SRP54: variants seen among roughly 807,000 people sequenced by gnomAD.
SRP54 encodes the protein signal recognition particle 54, also known as signal recognition particle subunit SRP54.
Under a neutral mutation model 64.8 loss-of-function variants are expected in SRP54, and 10 were observed. The ratio of observed to expected loss-of-function variants is 0.15; its 90% confidence interval spans 0.10 to 0.26. The LOEUF (loss-of-function observed/expected upper bound fraction) is 0.26, where lower values mean the gene tolerates loss of function less well. Ranked by LOEUF, SRP54 falls within the 10% of genes least tolerant of loss-of-function variation. The pLI is 1.00. For synonymous variants in SRP54, 193 were observed against 185.6 expected (o/e 1.04, Z -0.32); for missense variants, 325 against 613.7 (o/e 0.53, Z 4.97).
chr14:34,997,390 G>A (rs559248919), intron 2 of SRP54, among the ~76,000 whole-genome samples: 1 of 152,106 alleles, frequency 6.6e-6, no homozygotes. Flanking sequence ...AATTGAAAAA[G>A]TTGACTGTGG....
At chr14:34,995,313 G>A (rs192809485) in intron 1 of SRP54, among the ~76,000 whole-genome samples, 12 of 152,070 alleles carry the variant, frequency 7.9e-5, no homozygotes, top group South Asian at 6.2e-4. Context: ...ACCCAGGAGA[G>A]CCCATGGTGT....
At chr14:35,028,930 T>G in intron 15 of SRP54, 131 bp from the exon 16 acceptor site, 1 of 681,596 alleles carries the variant, frequency 1.5e-6, no homozygotes, top group Non-Finnish European at 2.4e-6. Flanking sequence ...GTACGTTCTT[T>G]AAGGCTGATG....
Position 35,011,639 on chromosome 14 carries a change from C to A in SRP54, c.616C>A (p.Leu206Ile). 1 of 1,578,310 alleles carries A rather than the reference C, an allele frequency of 6.3e-7. No homozygotes were observed. The highest frequency in any genetic ancestry group is 8.6e-7 in the Non-Finnish European group (1 of 1,158,400). Reference protein sequence around the residue: ...KQEDSLFEEMLQVANAIQPDN... With the variant: ...KQEDSLFEEMIQVANAIQPDN... ...AGAAGACTCTTTGTTTGAAGAAATG[C>A]TTCAAGTTGCTAATGCTATAGTAAG... The change falls in exon 8 of 16, where the codon CTT (leucine) becomes ATT (isoleucine). Residue 206 changes from leucine to isoleucine, a missense_variant. Coordinates refer to ENST00000216774, the MANE Select transcript of SRP54 (RefSeq NM_003136.4).
chr14:35,007,688 C>T (rs143229762), intron 5 of SRP54, among the ~76,000 whole-genome samples: 779 of 58,836 alleles, frequency 0.013, 9 homozygotes, highest in Middle Eastern at 0.062. Flanking sequence ...AATATATTTA[C>T]ATAAAATAGA....
chr14:35,011,030 G>T (rs1215464660), intron 7 of SRP54, among the ~76,000 whole-genome samples: 3 of 152,066 alleles, frequency 2.0e-5, no homozygotes, highest in Non-Finnish European at 4.4e-5. Context: ...GGACTCAAGT[G>T]GTCCTCCTGC....
At chr14:35,011,182 A>G (rs17102967) in intron 7 of SRP54, among the ~76,000 whole-genome samples, 26,325 of 150,730 alleles carry the variant, frequency 0.17, 2,763 homozygotes, top group East Asian at 0.4. Context: ...TTCCAAATGG[A>G]TGTTAAATGG....
At chr14:34,987,684 A>G (rs1411264346) in intron 1 of SRP54, among the ~76,000 whole-genome samples, 3 of 152,064 alleles carry the variant, frequency 2.0e-5, no homozygotes, top group Admixed American at 1.3e-4. Flanking sequence ...TCATAAGTTG[A>G]AGGATATTTG....
intron 14 of SRP54, among the ~76,000 whole-genome samples, chr14:35,027,524 G>A (rs1415345059): frequency 6.6e-6 from 1 of 152,192 alleles, no homozygotes; most frequent in Admixed American, 6.5e-5. Flanking sequence ...CTGGGAGGCT[G>A]AGGTGAGTGG....
chr14:35,028,522 A>G (rs2044670878), intron 15 of SRP54, among the ~76,000 whole-genome samples: 1 of 152,194 alleles, frequency 6.6e-6, no homozygotes, highest in Non-Finnish European at 1.5e-5. Flanking sequence ...TATAACCTTT[A>G]CAAAGTTCCT....
intron 4 of SRP54, 150 bp downstream of exon 4, chr14:35,001,170 G>T (rs2044164676): frequency 6.9e-6 from 2 of 288,296 alleles, no homozygotes; most frequent in Non-Finnish European, 1.2e-5. Flanking sequence ...AGTTTTCTTA[G>T]GGACCTTTTT....
chr14:34,988,017 A>G (rs2138958922), intron 1 of SRP54, among the ~76,000 whole-genome samples: 1 of 152,294 alleles, frequency 6.6e-6, no homozygotes, highest in South Asian at 2.1e-4. Flanking sequence ...TACCTAGAAA[A>G]TACAATCCAT....
intron 7 of SRP54, among the ~76,000 whole-genome samples, chr14:35,010,423 G>A (rs570937449): frequency 6.6e-6 from 1 of 152,138 alleles, no homozygotes; most frequent in African/African-American, 2.4e-5. Context: ...TCCACCATGG[G>A]CAACAAGAGC....
At chr14:34,996,996 C>T (rs974130893) in intron 2 of SRP54, 3 of 393,300 alleles carry the variant, frequency 7.6e-6, no homozygotes, top group African/African-American at 2.1e-5. Context: ...AAAGAATTTT[C>T]CAAAAAAAAA....
Position 34,987,230 on chromosome 14 carries a change from GAAAAAAA to G in SRP54, c.-34+4026_-34+4032del, listed in dbSNP as rs199590717. ...TGGGTGACAGAGAGACACTACATCTGAAAAAAAAAAAAAAAAATATATATATATATGT... is the reference window on the plus strand; with the variant it reads ...TGGGTGACAGAGAGACACTACATCTGAAAAAAAAAATATATATATATATGT... On this transcript the variant is annotated intron_variant, in intron 1 of 15. Coordinates refer to ENST00000216774, the MANE Select transcript of SRP54 (RefSeq NM_003136.4). Among the ~76,000 whole-genome samples, 23 of 124,314 alleles carry G rather than the reference GAAAAAAA, an allele frequency of 1.9e-4. No individual in the cohort carries two copies. The South Asian group carries it at 2.8e-3, about 15-fold the overall frequency. The allele number at this position is 124,314 out of a possible 152,430, so 81.6% of individuals were successfully genotyped here.
At chr14:34,988,904 A>G (rs528344744) in intron 1 of SRP54, among the ~76,000 whole-genome samples, 2 of 152,122 alleles carry the variant, frequency 1.3e-5, no homozygotes, top group South Asian at 2.1e-4. Context: ...CCTTCCATGT[A>G]CTTTAAAGCA....
At chr14:34,985,532 T>C (rs944444278) in intron 1 of SRP54, among the ~76,000 whole-genome samples, 14 of 152,240 alleles carry the variant, frequency 9.2e-5, no homozygotes, top group Admixed American at 9.2e-4. Context: ...CCACATCTTG[T>C]CTCAACTAGC....
intron 7 of SRP54, among the ~76,000 whole-genome samples, chr14:35,010,570 T>C (rs773651662): frequency 1.3e-5 from 2 of 151,832 alleles, no homozygotes; most frequent in Admixed American, 6.6e-5. Flanking sequence ...TTTGAGACCA[T>C]CCTGACCAAC....
chr14:34,999,014 GTTTTT>G (rs67731588), intron 2 of SRP54, among the ~76,000 whole-genome samples: 1 of 36,664 alleles, frequency 2.7e-5, no homozygotes, highest in Admixed American at 3.8e-4. Flanking sequence ...TGTGTGTGTG[GTTTTT>G]TTTTTTTTTT....
intron 2 of SRP54, among the ~76,000 whole-genome samples, chr14:34,997,895 A>G (rs551392749): frequency 6.6e-6 from 1 of 152,150 alleles, no homozygotes; most frequent in Non-Finnish European, 1.5e-5. Context: ...CGACTTTCCA[A>G]ACAGTTTTCC....
Sources: allele counts gnomAD v4.1 joint callset (sites outside exome capture counted in the v4.1 genomes callset), GRCh38; gene constraint gnomAD v4.1.1; transcripts MANE v1.5; gene names NCBI Gene and HGNC (gene_info 2026-07-23, HGNC 2026-07-21).